Variants in FAM151B observed in about 807,000 individuals in gnomAD.
FAM151B encodes the protein family with sequence similarity 151 member B.
A neutral mutation model predicts 31.2 loss-of-function variants in FAM151B; 24 were observed. The ratio of observed to expected loss-of-function variants is 0.77; its 90% CI spans 0.56 to 1.08. The LOEUF (loss-of-function observed/expected upper bound fraction) is 1.08. FAM151B is among the 50% of genes least tolerant of loss of function. The pLI is 0.00. For missense variants in FAM151B, 293 were observed against 328.6 expected (o/e 0.89, Z 0.84); for synonymous variants, 105 against 111.4 (o/e 0.94, Z 0.36).
At chr5:80,502,649 G>T (rs1453847782) in intron 2 of FAM151B, among the ~76,000 whole-genome samples, 1 of 152,288 alleles carries the variant, frequency 6.6e-6, no homozygotes, top group South Asian at 2.1e-4. Flanking sequence ...AGCAGGAAAG[G>T]AGAAAGAAAG....
intron 1 of FAM151B, chr5:80,500,865 T>C: frequency 2.1e-6 from 2 of 930,810 alleles, no homozygotes; most frequent in Middle Eastern, 2.5e-4. Context: ...TTCCATCTCT[T>C]GGTAAATATG....
At chr5:80,506,854 C>A (rs910066768) in intron 2 of FAM151B, among the ~76,000 whole-genome samples, 1 of 152,050 alleles carries the variant, frequency 6.6e-6, no homozygotes, top group Non-Finnish European at 1.5e-5. Context: ...TGGAGCTAAT[C>A]TATCAAATGC....
intron 3 of FAM151B, among the ~76,000 whole-genome samples, chr5:80,519,231 C>T (rs1744595052): frequency 6.6e-6 from 1 of 152,114 alleles, no homozygotes; most frequent in Non-Finnish European, 1.5e-5. Flanking sequence ...AAAGAAGCTA[C>T]TTTTATTCTC....
Position 80,539,093 on chromosome 5 carries a change from A to G in FAM151B, c.672-2580A>G, listed in dbSNP as rs575728443. On this transcript the variant is annotated intron_variant, in intron 5 of 5. Coordinates refer to ENST00000282226, the MANE Select transcript of FAM151B (RefSeq NM_205548.3). ...TGTATGATATTTATGTATGTACTAT[A>G]ATTGACTTGCCTCCTTTTGATGGGC... Among the ~76,000 whole-genome samples the G allele has an allele frequency of 4.0e-5, 6 of 148,436 alleles. No homozygotes were observed. In the South Asian group the frequency reaches 1.1e-3, roughly 26 times the overall value.
At position 80,541,652 on chromosome 5, in the gene FAM151B, TTC is replaced by T; in HGVS notation, c.672-19_672-18del. On this transcript the variant is annotated intron_variant, in intron 5 of 5. Coordinates refer to ENST00000282226, the MANE Select transcript of FAM151B (RefSeq NM_205548.3). The stretch of plus-strand genomic sequence containing the variant: ...CTTTCTTCCACTTTTAACTGTATAA[TTC>T]TGTTTTATTTCAATGCAGGTACAGC... 2 of 1,609,940 alleles carry T rather than the reference TTC, an allele frequency of 1.2e-6. No homozygotes were observed. Among genetic ancestry groups the T allele is most frequent in the Non-Finnish European group, 1.7e-6 (2 of 1,177,582 alleles).
chr5:80,512,004 A>G (rs1465446135), intron 2 of FAM151B, among the ~76,000 whole-genome samples: 1 of 152,230 alleles, frequency 6.6e-6, no homozygotes, highest in African/African-American at 2.4e-5. Flanking sequence ...TATAGATTGT[A>G]TAAAGACTCT....
chr5:80,489,590 G>A (rs1263486325), intron 1 of FAM151B, among the ~76,000 whole-genome samples: 2 of 152,182 alleles, frequency 1.3e-5, no homozygotes, highest in Non-Finnish European at 2.9e-5. Context: ...GTGTGCACAA[G>A]TGAAAAATGT....
At chr5:80,519,962 A>AT in intron 4 of FAM151B, 52 bp downstream of exon 4, 1 of 1,524,694 alleles carries the variant, frequency 6.6e-7, no homozygotes, top group Non-Finnish European at 9.0e-7. Flanking sequence ...TCCTCCAGGT[A>AT]TAAAAATAAC....
In FAM151B at chr5:80,534,148, G is replaced by T. The variant is rs190126968; in HGVS notation, c.672-7525G>T. 8.2e-3 allele frequency among the ~76,000 whole-genome samples: 1,247 copies of T among 152,064 alleles called. 18 individuals carry two copies. Among genetic ancestry groups the T allele is most frequent in the African/African-American group, 0.027 (1,130 of 41,498 alleles). On this transcript the variant is annotated intron_variant, in intron 5 of 5. Coordinates refer to ENST00000282226, the MANE Select transcript of FAM151B (RefSeq NM_205548.3). ...TTCAGTAAAGAAAACCCTGGGACCCGATGGCTTCACTGCTGAATTCTACCA... is the reference window on the plus strand; with the variant it reads ...TTCAGTAAAGAAAACCCTGGGACCCTATGGCTTCACTGCTGAATTCTACCA...
chr5:80,493,385 T>C (rs1743391401), intron 1 of FAM151B, among the ~76,000 whole-genome samples: 1 of 152,130 alleles, frequency 6.6e-6, no homozygotes, highest in Non-Finnish European at 1.5e-5. Context: ...GTTTGAACAG[T>C]ATGAAATCAG....
intron 5 of FAM151B, 147 bp from the exon 6 acceptor site, chr5:80,541,526 T>C (rs1477313464): frequency 1.4e-6 from 1 of 723,734 alleles, no homozygotes; most frequent in Non-Finnish European, 2.3e-6. Flanking sequence ...GAATGAAATA[T>C]GAAAGTACAG....
chr5:80,537,490 G>A (rs1048909705), intron 5 of FAM151B, among the ~76,000 whole-genome samples: 3 of 152,188 alleles, frequency 2.0e-5, no homozygotes, highest in African/African-American at 7.2e-5. Context: ...TCGTAGCGGA[G>A]TCTTTCCACT....
Position 80,540,140 on chromosome 5 carries a change from T to C in FAM151B, c.672-1533T>C, listed in dbSNP as rs1745812484. 3.3e-5 allele frequency among the ~76,000 whole-genome samples: 5 copies of C among 152,258 alleles called. No individual in the cohort carries two copies. The South Asian group carries it at 1.0e-3, about 32-fold the overall frequency. On this transcript the variant is annotated intron_variant, in intron 5 of 5. Transcript: ENST00000282226. The stretch of plus-strand genomic sequence containing the variant: ...ACCAACCATTACAACAATACCCTTT[T>C]TCCTCTTCTGATCCAGAAAACTCTC...
In FAM151B at chr5:80,513,687, GAAAC is replaced by G; in HGVS notation, c.241_244del (p.Asn81ValfsTer9). On this transcript the variant is annotated frameshift_variant, in exon 3 of 6. Transcript: ENST00000282226. LOFTEE classifies it high-confidence loss of function. ...CCAGCCAATTATGGCCCATCCCCCT[GAAAC>G]AAACAGTGATAATACTCTACAGGAG... The G allele has an allele frequency of 6.2e-7, 1 of 1,614,042 alleles. No individual in the cohort carries two copies. The highest frequency in any genetic ancestry group is 8.5e-7 in the Non-Finnish European group (1 of 1,180,008).
At chr5:80,530,947 G>A (rs1354758217) in intron 5 of FAM151B, among the ~76,000 whole-genome samples, 1 of 152,160 alleles carries the variant, frequency 6.6e-6, no homozygotes, top group Non-Finnish European at 1.5e-5. Context: ...TAAGCCAAAA[G>A]AGCAAAGCTG....
At chr5:80,492,917 A>G (rs1174165374) in intron 1 of FAM151B, among the ~76,000 whole-genome samples, 1 of 152,124 alleles carries the variant, frequency 6.6e-6, no homozygotes, top group South Asian at 2.1e-4. Context: ...TTGCACCACT[A>G]CACACCAGCC....
intron 1 of FAM151B, among the ~76,000 whole-genome samples, chr5:80,494,443 T>TTTTCTTTC (rs869249722): frequency 0.12 from 10,164 of 83,952 alleles, 1,685 homozygotes; most frequent in East Asian, 0.15. Context: ...CTTTCTTTCT[T>TTTTCTTTC]TTTCTTTCTT....
At chr5:80,533,925 C>T (rs1438702774) in intron 5 of FAM151B, among the ~76,000 whole-genome samples, 2 of 151,926 alleles carry the variant, frequency 1.3e-5, no homozygotes, top group African/African-American at 4.8e-5. Context: ...AAAAAGGAGA[C>T]ATTACAATTG....
At chr5:80,504,085 G>C (rs190604078) in intron 2 of FAM151B, among the ~76,000 whole-genome samples, 29 of 152,242 alleles carry the variant, frequency 1.9e-4, no homozygotes, top group Admixed American at 1.6e-3. Flanking sequence ...TTTCCACTTA[G>C]AGATCTCTCA....
Sources: gnomAD v4.1 joint callset for allele counts (sites outside exome capture counted in the v4.1 genomes callset) on GRCh38, gnomAD v4.1.1 for gene constraint, MANE v1.5 for transcripts, NCBI Gene and HGNC (gene_info 2026-07-23, HGNC 2026-07-21) for gene names.